The following TRDN variants were observed in gnomAD, a reference collection of about 807,000 sequenced individuals.
TRDN encodes triadin.
Under a neutral mutation model 149.7 loss-of-function variants are expected in TRDN, and 161 were observed. That is an observed-to-expected ratio of 1.08 (90% CI 0.95 to 1.23). The LOEUF (loss-of-function observed/expected upper bound fraction) is 1.23. Among genes scored for constraint, TRDN ranks in the 50% most tolerant of loss-of-function variants. The pLI, the probability that TRDN is intolerant of heterozygous loss-of-function variation, is 0.00. For synonymous variants in TRDN, 294 were observed against 250.5 expected (o/e 1.17, Z -1.64); for missense variants, 896 against 823.5 (o/e 1.09, Z -1.08).
At chr6:123,296,146 C>A (rs1226866941) in intron 24 of TRDN, among the ~76,000 whole-genome samples, 1 of 152,078 alleles carries the variant, frequency 6.6e-6, no homozygotes, top group Non-Finnish European at 1.5e-5. Flanking sequence ...TTACTCAACT[C>A]GTGATAGATT....
At chr6:123,537,832 T>G (rs1243756224) in intron 4 of TRDN, among the ~76,000 whole-genome samples, 1 of 152,218 alleles carries the variant, frequency 6.6e-6, no homozygotes, top group Non-Finnish European at 1.5e-5. Flanking sequence ...ATTTCTAAAT[T>G]GTTTTGTTAT....
chr6:123,447,346 T>C (rs1775446829), intron 10 of TRDN, among the ~76,000 whole-genome samples: 1 of 152,202 alleles, frequency 6.6e-6, no homozygotes, highest in South Asian at 2.1e-4. Flanking sequence ...CCAGTAATAC[T>C]AGGTGTGACA....
intron 1 of TRDN, among the ~76,000 whole-genome samples, chr6:123,611,803 T>G (rs1784824600): frequency 6.6e-6 from 1 of 152,162 alleles, no homozygotes; most frequent in African/African-American, 2.4e-5. Context: ...AGGCTGGCAT[T>G]CCATCTAATT....
At chr6:123,606,422 G>A (rs2114665580) in intron 1 of TRDN, among the ~76,000 whole-genome samples, 1 of 151,830 alleles carries the variant, frequency 6.6e-6, no homozygotes, top group South Asian at 2.1e-4. Flanking sequence ...CATAGATTTT[G>A]TGTGTGTATG....
intron 1 of TRDN, 85 bp from the exon 2 acceptor site, chr6:123,571,217 G>A: frequency 7.1e-7 from 1 of 1,416,228 alleles, no homozygotes; most frequent in Non-Finnish European, 9.7e-7. Flanking sequence ...TATGAGTGCT[G>A]AACCTGTTTA....
intron 7 of TRDN, among the ~76,000 whole-genome samples, chr6:123,506,510 A>G (rs1778930950): frequency 6.6e-6 from 1 of 150,656 alleles, no homozygotes. Context: ...TTTTGTTTAG[A>G]TAGACTCTTG....
intron 38 of TRDN, among the ~76,000 whole-genome samples, chr6:123,232,747 G>C (rs58335036): frequency 0.053 from 8,067 of 152,006 alleles, 636 homozygotes; most frequent in African/African-American, 0.18. Context: ...TTGTAATTTG[G>C]GGAGAAGGCA....
At chr6:123,252,634 T>G (rs1341777501) in intron 37 of TRDN, among the ~76,000 whole-genome samples, 199 bp from the exon 38 acceptor site, 1 of 152,100 alleles carries the variant, frequency 6.6e-6, no homozygotes, top group African/African-American at 2.4e-5. Flanking sequence ...AAATTTTTAT[T>G]TAGAGATGGG....
intron 34 of TRDN, among the ~76,000 whole-genome samples, 170 bp from the exon 35 acceptor site, chr6:123,259,832 T>C (rs117321523): frequency 2.4e-3 from 370 of 152,054 alleles, no homozygotes; most frequent in Admixed American, 4.6e-3. Context: ...TAGTCACCTA[T>C]AGGGTCAAAA....
intron 24 of TRDN, among the ~76,000 whole-genome samples, chr6:123,301,095 A>C (rs1778380412): frequency 6.6e-6 from 1 of 152,012 alleles, no homozygotes; most frequent in African/African-American, 2.4e-5. Flanking sequence ...TTGTCCTGAC[A>C]GCATCTACAT....
chr6:123,285,106 A>T (rs578095110), intron 24 of TRDN, among the ~76,000 whole-genome samples: 5 of 151,972 alleles, frequency 3.3e-5, no homozygotes, highest in Non-Finnish European at 7.4e-5. Flanking sequence ...TGTGAAAATG[A>T]CCACATTGCC....
intron 4 of TRDN, among the ~76,000 whole-genome samples, chr6:123,538,208 C>T (rs996153299): frequency 6.6e-6 from 1 of 152,082 alleles, no homozygotes; most frequent in African/African-American, 2.4e-5. Context: ...TGCCTTCTTA[C>T]ATTATTTCCC....
chr6:123,346,280 T>C (rs886193218), intron 21 of TRDN, among the ~76,000 whole-genome samples: 3 of 152,106 alleles, frequency 2.0e-5, no homozygotes, highest in East Asian at 1.9e-4. Context: ...TTACTATTCA[T>C]AGGGTCATGT....
chr6:123,271,627 G>T (rs1273459428), intron 29 of TRDN, among the ~76,000 whole-genome samples: 9 of 152,116 alleles, frequency 5.9e-5, no homozygotes, highest in African/African-American at 2.2e-4. Context: ...ACAGTGTGAA[G>T]CTGGGGAAGA....
chr6:123,281,800 T>A (rs573599420), intron 24 of TRDN, among the ~76,000 whole-genome samples: 20 of 152,200 alleles, frequency 1.3e-4, no homozygotes, highest in South Asian at 1.0e-3. Flanking sequence ...GAGTTAGTTG[T>A]CTACATGCCA....
At chr6:123,537,469 G>A (rs974571285) in intron 4 of TRDN, among the ~76,000 whole-genome samples, 3 of 152,108 alleles carry the variant, frequency 2.0e-5, no homozygotes, top group African/African-American at 2.4e-5. Context: ...TTCTCATGAC[G>A]TGTGCTGAAT....
chr6:123,222,969 T>C (rs535523461), intron 39 of TRDN, among the ~76,000 whole-genome samples: 4 of 151,952 alleles, frequency 2.6e-5, no homozygotes, highest in South Asian at 4.1e-4. Flanking sequence ...CCAGTAAGCA[T>C]GGCTATTATG....
intron 24 of TRDN, among the ~76,000 whole-genome samples, chr6:123,281,586 A>G (rs1191766351): frequency 6.6e-6 from 1 of 152,068 alleles, no homozygotes; most frequent in East Asian, 1.9e-4. Context: ...ACAATCCTCT[A>G]AGAAACATGA....
At chr6:123,438,891 T>C (rs1005030746) in intron 11 of TRDN, 53 bp downstream of exon 11, 49 of 1,366,384 alleles carry the variant, frequency 3.6e-5, no homozygotes, top group Non-Finnish European at 3.0e-6. Context: ...ACCAGTAGTA[T>C]TATGCATGGA....
Sources: allele counts gnomAD v4.1 joint callset (sites outside exome capture counted in the v4.1 genomes callset), GRCh38; gene constraint gnomAD v4.1.1; transcripts MANE v1.5; gene names NCBI Gene and HGNC (gene_info 2026-07-23, HGNC 2026-07-21).